FAM184B: variants seen among roughly 807,000 people sequenced by gnomAD.
The protein encoded by FAM184B is family with sequence similarity 184 member B, also known as protein FAM184B.
A neutral mutation model predicts 135.9 loss-of-function variants in FAM184B; 111 were observed. The ratio of observed to expected loss-of-function variants is 0.82; its 90% CI spans 0.70 to 0.96. The LOEUF (loss-of-function observed/expected upper bound fraction) is 0.96, where lower values mean the gene tolerates loss of function less well. Ranked by LOEUF, FAM184B falls within the 40% of genes least tolerant of loss-of-function variation. FAM184B has a pLI of 0.00. For synonymous variants in FAM184B, 552 were observed against 524.8 expected, an observed-to-expected ratio of 1.05 and a Z score of -0.71; for missense variants, 1,375 against 1,323.9, an observed-to-expected ratio of 1.04 and a Z score of -0.60.
chr4:17,673,065 C>A (rs140010199), intron 7 of FAM184B, among the ~76,000 whole-genome samples: 1 of 151,956 alleles, frequency 6.6e-6, no homozygotes, highest in Non-Finnish European at 1.5e-5. Context: ...ATAATGAACT[C>A]GAACAAATTA....
At chr4:17,692,452 G>A (rs1318268813) in intron 6 of FAM184B, among the ~76,000 whole-genome samples, 2 of 152,190 alleles carry the variant, frequency 1.3e-5, no homozygotes, top group African/African-American at 4.8e-5. Flanking sequence ...TCACACCTGT[G>A]TACTTATCAC....
chr4:17,635,200 T>G, intron 15 of FAM184B, 87 bp from the exon 16 acceptor site: 3 of 1,056,246 alleles, frequency 2.8e-6, no homozygotes, highest in Non-Finnish European at 4.2e-6. Flanking sequence ...GAGGGCAGAA[T>G]AGAGAAGGAA....
At chr4:17,698,018 C>T (rs1307789584) in intron 5 of FAM184B, among the ~76,000 whole-genome samples, 1 of 151,846 alleles carries the variant, frequency 6.6e-6, no homozygotes, top group Admixed American at 6.6e-5. Flanking sequence ...CCCAGTCCAG[C>T]TCAGCCCAAA....
intron 1 of FAM184B, among the ~76,000 whole-genome samples, chr4:17,743,470 T>G (rs915846564): frequency 6.6e-6 from 1 of 152,130 alleles, no homozygotes; most frequent in Non-Finnish European, 1.5e-5. Flanking sequence ...GGGAGACCAG[T>G]GAGGAGACAT....
rs915877353 is a variant in FAM184B, at chr4:17,630,031, T to C, written c.*2501A>G. 6.6e-6 allele frequency: 1 copy of C among 152,136 alleles called. No individual in the cohort carries two copies. The highest frequency in any genetic ancestry group is 2.4e-5 in the African/African-American group (1 of 41,438). 9.4% of individuals were successfully genotyped at this position (152,136 alleles called of 1,614,324 possible). On this transcript the variant is annotated 3_prime_UTR_variant, in exon 18 of 18. Transcript: ENST00000265018. ...TCATTGCAGGGTAGAATTTAGAAAT[T>C]TAAGACTGAAAGATCTTTTCAGTCA...
intron 1 of FAM184B, among the ~76,000 whole-genome samples, chr4:17,732,463 G>C (rs978352155): frequency 2.6e-5 from 4 of 152,074 alleles, no homozygotes; most frequent in Non-Finnish European, 4.4e-5. Flanking sequence ...GAAGAAAAGA[G>C]AGAAGAATCA....
chr4:17,751,716 C>T (rs1718296580), intron 1 of FAM184B, among the ~76,000 whole-genome samples: 1 of 151,696 alleles, frequency 6.6e-6, no homozygotes, highest in African/African-American at 2.4e-5. Context: ...GTCATAAGGA[C>T]CAACTTCTGA....
chr4:17,688,466 G>A lies in FAM184B; in HGVS notation c.1554C>T (p.Pro518=). 6.4e-7 allele frequency: 1 copy of A among 1,551,002 alleles called. No individual in the cohort carries two copies. The change falls in exon 7 of 18, where the codon CCC becomes CCT. Residue 518 remains proline (P), a synonymous_variant. Coordinates refer to ENST00000265018, the MANE Select transcript of FAM184B (RefSeq NM_015688.2). ...KTRPTGAEES[P]QELGRQHCSI... ...TGCAGTGCTGGCGGCCTAATTCCTG[G>A]GGACTTTCCTCAGCTCCTGTGGGGC...
At chr4:17,739,489 C>T (rs973077956) in intron 1 of FAM184B, among the ~76,000 whole-genome samples, 1 of 149,356 alleles carries the variant, frequency 6.7e-6, no homozygotes, top group Non-Finnish European at 1.5e-5. Flanking sequence ...TAAGCCAGGG[C>T]AGCATGGCAG....
At chr4:17,668,164 G>C (rs569043005) in intron 7 of FAM184B, among the ~76,000 whole-genome samples, 1 of 152,192 alleles carries the variant, frequency 6.6e-6, no homozygotes, top group African/African-American at 2.4e-5. Flanking sequence ...GCTGCAGTTC[G>C]TTCTTGATCT....
Position 17,739,555 on chromosome 4 carries a change from GTTT to G in FAM184B, c.142-29914_142-29912del, listed in dbSNP as rs397992408. On this transcript the variant is annotated intron_variant, in intron 1 of 17. Coordinates refer to ENST00000265018, the MANE Select transcript of FAM184B (RefSeq NM_015688.2). ...CCCTACACCATATGTCATACCAACTGTTTTTTTTTTTTTTTTGAGATGGGGTTT... is the reference window on the plus strand; with the variant it reads ...CCCTACACCATATGTCATACCAACTGTTTTTTTTTTTTTGAGATGGGGTTT... Among the ~76,000 whole-genome samples the G allele has an allele frequency of 8.0e-5, 5 of 62,510 alleles. No individual in the cohort carries two copies. In the South Asian group the frequency reaches 3.1e-3, roughly 39 times the overall value. The allele number at this position is 62,510 out of a possible 152,430, so 41.0% of individuals were successfully genotyped here. A position where few individuals can be genotyped will look rare whatever the true frequency, so the allele number is the denominator to read the frequency against.
At chr4:17,711,899 C>A (rs1015046613) in intron 1 of FAM184B, among the ~76,000 whole-genome samples, 1 of 152,122 alleles carries the variant, frequency 6.6e-6, no homozygotes, top group African/African-American at 2.4e-5. Flanking sequence ...TGGAATGAGA[C>A]AAGGTCACTA....
chr4:17,663,283 A>G (rs939824463), intron 8 of FAM184B, among the ~76,000 whole-genome samples: 4 of 152,108 alleles, frequency 2.6e-5, no homozygotes, highest in African/African-American at 9.7e-5. Context: ...TATTTTGTCC[A>G]TTTAAAAAAT....
chr4:17,770,441 TTG>T (rs199658266), intron 1 of FAM184B, among the ~76,000 whole-genome samples: 54,854 of 116,292 alleles, frequency 0.47, 10,982 homozygotes, highest in Non-Finnish European at 0.57. Context: ...GAACTAGTTG[TTG>T]TTGTTGTTGT....
chr4:17,645,465 A>C (rs931269287), intron 12 of FAM184B, among the ~76,000 whole-genome samples: 22 of 152,222 alleles, frequency 1.4e-4, no homozygotes. Flanking sequence ...TGACAAAAAC[A>C]AGAAATGGGG....
chr4:17,647,545 A>G (rs748224391), intron 12 of FAM184B, 92 bp downstream of exon 12: 407 of 1,422,452 alleles, frequency 2.9e-4, no homozygotes, highest in Non-Finnish European at 3.2e-4. Context: ...CACTGCACTC[A>G]GCCTCAGAGC....
chr4:17,661,100 C>T (rs1374303268), intron 8 of FAM184B, among the ~76,000 whole-genome samples: 2 of 152,156 alleles, frequency 1.3e-5, no homozygotes, highest in Admixed American at 6.5e-5. Flanking sequence ...CTACAACCCA[C>T]TCAATACGGG....
intron 1 of FAM184B, among the ~76,000 whole-genome samples, chr4:17,727,214 C>A (rs1717662437): frequency 6.6e-6 from 1 of 152,104 alleles, no homozygotes. Flanking sequence ...TCTCACATAG[C>A]ACATGAGAAG....
intron 12 of FAM184B, among the ~76,000 whole-genome samples, chr4:17,644,279 C>CA (rs1369409329): frequency 1.3e-5 from 2 of 151,916 alleles, no homozygotes. Context: ...AGAGACACAA[C>CA]AAAAAAAGAG....
Sources: allele counts gnomAD v4.1 joint callset (sites outside exome capture counted in the v4.1 genomes callset), GRCh38; gene constraint gnomAD v4.1.1; transcripts MANE v1.5; gene names NCBI Gene and HGNC (gene_info 2026-07-23, HGNC 2026-07-21).